The following KCNJ3 variants were observed in gnomAD, a reference collection of about 807,000 sequenced individuals.
The protein encoded by KCNJ3 is potassium inwardly rectifying channel subfamily J member 3, also known as G protein-activated inward rectifier potassium channel 1.
Under a neutral mutation model 39.2 loss-of-function variants are expected in KCNJ3, and 4 were observed. That is an observed-to-expected ratio of 0.10 (90% CI 0.05 to 0.23). The LOEUF (loss-of-function observed/expected upper bound fraction) is 0.23. KCNJ3 is among the 10% of genes least tolerant of loss of function. The pLI is 1.00. For missense variants in KCNJ3, 276 were observed against 634.9 expected (o/e 0.43, Z 6.08); for synonymous variants, 230 against 237.4 (o/e 0.97, Z 0.29).
At chr2:154,829,320 C>G (rs1054438575) in intron 2 of KCNJ3, among the ~76,000 whole-genome samples, 23 of 152,046 alleles carry the variant, frequency 1.5e-4, no homozygotes, top group African/African-American at 5.3e-4. Flanking sequence ...CTATTGTTTC[C>G]TTCTTTATTT....
At chr2:154,756,766 TAAATA>T (rs938568498) in intron 2 of KCNJ3, among the ~76,000 whole-genome samples, 2 of 151,876 alleles carry the variant, frequency 1.3e-5, no homozygotes, top group South Asian at 2.1e-4. Context: ...ATAATAAAAA[TAAATA>T]AAATAAAATA....
chr2:154,815,416 C>G (rs1239115001), intron 2 of KCNJ3, among the ~76,000 whole-genome samples: 4 of 152,126 alleles, frequency 2.6e-5, no homozygotes, highest in Admixed American at 2.6e-4. Context: ...TTTTTATCTC[C>G]TCTTTTTTCC....
At position 154,858,086 on chromosome 2, in the gene KCNJ3, G is replaced by T. The variant is rs1310392932; in HGVS notation, c.*2773G>T. The T allele has an allele frequency of 6.6e-6, 1 of 151,920 alleles. No individual in the cohort carries two copies. The highest frequency in any genetic ancestry group is 2.4e-5 in the African/African-American group (1 of 41,360). The allele number at this position is 151,920 out of a possible 1,614,324, so 9.4% of individuals were successfully genotyped here. The stretch of plus-strand genomic sequence containing the variant: ...CAAAATTACCTTATCTGAGTGAATG[G>T]TATTTTTTTTATCTTTTCCACACAT... On this transcript the variant is annotated 3_prime_UTR_variant, in exon 3 of 3. Transcript: ENST00000295101.
At chr2:154,756,686 A>G (rs954975753) in intron 2 of KCNJ3, among the ~76,000 whole-genome samples, 4 of 152,058 alleles carry the variant, frequency 2.6e-5, no homozygotes, top group African/African-American at 9.7e-5. Flanking sequence ...GGTGCAGCAA[A>G]CCACCATGGC....
chr2:154,856,636 C>G lies in KCNJ3; in HGVS notation c.*1323C>G, dbSNP rs1350849712. The stretch of plus-strand genomic sequence containing the variant: ...AAATTAGATGATAAATTGAAGATAT[C>G]TTACACACAGTTTTTTGGTGAACAC... On this transcript the variant is annotated 3_prime_UTR_variant, in exon 3 of 3. Coordinates refer to ENST00000295101, the MANE Select transcript of KCNJ3 (RefSeq NM_002239.4). The G allele has an allele frequency of 6.6e-6, 1 of 152,122 alleles. No homozygotes were observed. The highest frequency in any genetic ancestry group is 1.5e-5 in the Non-Finnish European group (1 of 68,010). The allele number at this position is 152,122 out of a possible 1,614,324, so 9.4% of individuals were successfully genotyped here.
chr2:154,711,500 C>T (rs970142554), intron 2 of KCNJ3, among the ~76,000 whole-genome samples: 2 of 151,996 alleles, frequency 1.3e-5, no homozygotes, highest in Non-Finnish European at 2.9e-5. Flanking sequence ...TCTAGCTACC[C>T]GTTCATTCAT....
intron 2 of KCNJ3, among the ~76,000 whole-genome samples, chr2:154,795,510 T>TTCTATAAAACTGGAGATTTTAAA (rs1276260061): frequency 2.6e-5 from 4 of 152,050 alleles, no homozygotes; most frequent in African/African-American, 9.7e-5. Context: ...AAAATCTATG[T>TTCTATAAAACTGGAGATTTTAAA]TCTATAAAAC....
rs186688375 is a variant in KCNJ3 at position 154,853,910 on chromosome 2, G to A, written c.920-817G>A. 3.2e-3 allele frequency among the ~76,000 whole-genome samples: 489 copies of A among 152,250 alleles called. 20 individuals carry two copies. The South Asian group carries it at 0.083, about 26-fold the overall frequency. On this transcript the variant is annotated intron_variant, in intron 2 of 2. Transcript: ENST00000295101. Reference sequence around the variant, plus strand: ...CCAGTTCCAGATATTCCTAGAGCAGGAATGGAACTTGATACATCACATGGC... The same window carrying A: ...CCAGTTCCAGATATTCCTAGAGCAGAAATGGAACTTGATACATCACATGGC...
rs754662868 is a variant in KCNJ3, at chr2:154,699,057, C to T, written c.282C>T (p.Ala94=). The T allele has an allele frequency of 6.2e-7, 1 of 1,614,248 alleles. No homozygotes were observed. The highest frequency in any genetic ancestry group is 2.2e-5 in the East Asian group (1 of 44,858). Residue 94 remains alanine (A), a synonymous_variant, in exon 1 of 3, where the codon GCC becomes GCT. Coordinates refer to ENST00000295101, the MANE Select transcript of KCNJ3 (RefSeq NM_002239.4). The surrounding 1 kb of genome is among the most constrained non-coding windows in gnomAD (Gnocchi z 6.4). ...LFIFILTYTV[A]WLFMASMWWV... ...TCTTCATTCTCACCTACACCGTGGC[C>T]TGGCTTTTCATGGCGTCCATGTGGT...
intron 2 of KCNJ3, among the ~76,000 whole-genome samples, chr2:154,725,163 C>T (rs1394506873): frequency 4.6e-5 from 7 of 151,188 alleles, no homozygotes; most frequent in Admixed American, 4.0e-4. Flanking sequence ...TAATATCTTT[C>T]ACATTGTTAC....
chr2:154,792,995 T>G (rs1574464527), intron 2 of KCNJ3, among the ~76,000 whole-genome samples: 1 of 152,110 alleles, frequency 6.6e-6, no homozygotes, highest in Non-Finnish European at 1.5e-5. Context: ...GTTGTACTAA[T>G]TAGCACATTG....
chr2:154,833,232 T>C (rs1558885812), intron 2 of KCNJ3, among the ~76,000 whole-genome samples: 1 of 152,224 alleles, frequency 6.6e-6, no homozygotes, highest in Non-Finnish European at 1.5e-5. Flanking sequence ...ACAGCCTTTG[T>C]GGAATAGTTA....
chr2:154,849,283 T>TA (rs1687715415), intron 2 of KCNJ3, among the ~76,000 whole-genome samples: 1 of 152,226 alleles, frequency 6.6e-6, no homozygotes, highest in South Asian at 2.1e-4. Flanking sequence ...ATATTATTAC[T>TA]ACATGACTTA....
intron 2 of KCNJ3, among the ~76,000 whole-genome samples, chr2:154,723,517 A>T (rs1163850747): frequency 2.0e-5 from 3 of 152,194 alleles, no homozygotes; most frequent in South Asian, 2.1e-4. Context: ...TTTGATCAGG[A>T]GATCGCTGGG....
intron 2 of KCNJ3, among the ~76,000 whole-genome samples, chr2:154,776,031 C>T (rs760737638): frequency 1.5e-4 from 22 of 144,162 alleles, no homozygotes; most frequent in Admixed American, 4.2e-4. Context: ...GATGGAATTT[C>T]GCTCTTGTTG....
At chr2:154,745,968 T>C (rs911583576) in intron 2 of KCNJ3, among the ~76,000 whole-genome samples, 1 of 151,962 alleles carries the variant, frequency 6.6e-6, no homozygotes, top group Admixed American at 6.6e-5. Context: ...ATTCCCTGTC[T>C]GGGAGGTGTA....
At chr2:154,805,179 A>G (rs1574468980) in intron 2 of KCNJ3, among the ~76,000 whole-genome samples, 2 of 151,970 alleles carry the variant, frequency 1.3e-5, no homozygotes, top group Middle Eastern at 6.8e-3. Context: ...AATATTACAG[A>G]AAAAAAACAG....
chr2:154,844,644 C>T (rs1053326723), intron 2 of KCNJ3, among the ~76,000 whole-genome samples: 4 of 152,180 alleles, frequency 2.6e-5, no homozygotes, highest in Non-Finnish European at 5.9e-5. Flanking sequence ...CTACTCAAGC[C>T]TCAGCAATGG....
rs1377580086 is a variant in KCNJ3, at chr2:154,791,295, G to A, written c.920-63432G>A. The stretch of plus-strand genomic sequence containing the variant: ...GGTCTAGGAAAGAGGAAGATGGGGC[G>A]CCAAAGCTGATGTTGGAGGTGTTAA... On this transcript the variant is annotated intron_variant, in intron 2 of 2. Coordinates refer to ENST00000295101, the MANE Select transcript of KCNJ3 (RefSeq NM_002239.4). Among the ~76,000 whole-genome samples, 6 of 152,030 alleles carry A rather than the reference G, an allele frequency of 3.9e-5. No individual in the cohort carries two copies. The East Asian group carries it at 7.7e-4, about 20-fold the overall frequency.
Sources: allele counts gnomAD v4.1 joint callset (sites outside exome capture counted in the v4.1 genomes callset), GRCh38; gene constraint gnomAD v4.1.1; non-coding constraint Gnocchi (gnomAD v3.1); transcripts MANE v1.5; gene names NCBI Gene and HGNC (gene_info 2026-07-23, HGNC 2026-07-21).